The following IL6ST variants were observed in gnomAD, a reference collection of about 807,000 sequenced individuals.
IL6ST encodes the protein interleukin 6 cytokine family signal transducer.
IL6ST carries 24 observed loss-of-function variants against 91.3 expected under a neutral mutation model. The ratio of observed to expected loss-of-function variants is 0.26; its 90% confidence interval spans 0.19 to 0.37. The LOEUF is 0.37. Ranked by LOEUF, IL6ST falls within the 10% of genes least tolerant of loss-of-function variation. IL6ST has a pLI of 1.00. For synonymous variants in IL6ST, 351 were observed against 373.6 expected, an observed-to-expected ratio of 0.94 and a Z score of 0.70; for missense variants, 914 against 1,078.5, an observed-to-expected ratio of 0.85 and a Z score of 2.14.
chr5:55,940,226 T>C lies in IL6ST; in HGVS notation c.*856A>G. ...TTTATTGGTTTTTTTTCCCCTTTAC[T>C]ACTACTTCCTGTTTTCCCCTTTACT... On this transcript the variant is annotated 3_prime_UTR_variant, in exon 17 of 17. Transcript: ENST00000381298. 1 of 210,560 alleles carries C rather than the reference T, an allele frequency of 4.7e-6. No individual in the cohort carries two copies. The highest frequency in any genetic ancestry group is 7.1e-5 in the East Asian group (1 of 14,088). The allele number at this position is 210,560 out of a possible 1,614,324, so 13.0% of individuals were successfully genotyped here. A position where few individuals can be genotyped will look rare whatever the true frequency, so the allele number is the denominator to read the frequency against.
chr5:55,950,808 T>C (rs56664673), intron 14 of IL6ST, among the ~76,000 whole-genome samples: 2,747 of 151,318 alleles, frequency 0.018, 79 homozygotes, highest in African/African-American at 0.063. Context: ...TAAAAAAAAT[T>C]AGCTGGATGT....
intron 5 of IL6ST, among the ~76,000 whole-genome samples, chr5:55,966,439 C>CA (rs1411105234): frequency 1.3e-5 from 2 of 152,156 alleles, no homozygotes; most frequent in African/African-American, 4.8e-5. Context: ...GATTGAGTTA[C>CA]ACAGGTGTCT....
chr5:55,984,007 ATT>A (rs35768498), intron 1 of IL6ST, among the ~76,000 whole-genome samples: 2 of 146,524 alleles, frequency 1.4e-5, no homozygotes, highest in African/African-American at 5.0e-5. Flanking sequence ...CCCTTTACTG[ATT>A]TTTTTTTTTT....
In IL6ST at chr5:55,956,101, T is replaced by C. The variant is rs775774368; in HGVS notation, c.1191A>G (p.Leu397=). The part of the protein sequence containing the change: ...LTVNLTNDRY[L]ATLTVRNLVG... ...CAAGATTTCTTACTGTTAGGGTTGC[T>C]AGATAGCGATCATTTGTGAGATTTA... The change falls in exon 10 of 17, where the codon CTA becomes CTG. Residue 397 remains leucine (L), a synonymous_variant. Transcript: ENST00000381298. The C allele has an allele frequency of 1.2e-6, 2 of 1,613,484 alleles. No individual in the cohort carries two copies. The highest frequency in any genetic ancestry group is 1.7e-6 in the Non-Finnish European group (2 of 1,179,370).
chr5:55,941,340 C>T lies in IL6ST; in HGVS notation c.2499G>A (p.Arg833=). 3 of 1,614,110 alleles carry T rather than the reference C, an allele frequency of 1.9e-6. No individual in the cohort carries two copies. Among genetic ancestry groups the T allele is most frequent in the South Asian group, 2.2e-5 (2 of 91,084 alleles). ...CATTGACTGATGAAACTTGCTTTGA[C>T]CTTTCAAAATGTGAAATATCTGGAC... is the stretch of plus-strand genomic sequence containing the variant. ...ESSPDISHFE[R]SKQVSSVNEE... is the part of the protein sequence containing the mutation. Residue 833 remains arginine, a synonymous_variant, in exon 17 of 17, where the codon AGG becomes AGA. Transcript: ENST00000381298.
chr5:55,947,432 C>T, intron 15 of IL6ST, 61 bp downstream of exon 15: 1 of 860,694 alleles, frequency 1.2e-6, no homozygotes, highest in Non-Finnish European at 1.9e-6. Context: ...AATTTTATTG[C>T]ATGTAAATTC....
In IL6ST at chr5:55,982,783, A is replaced by G. The variant is rs1753739072; in HGVS notation, c.-75T>C. On this transcript the variant is annotated 5_prime_UTR_variant, in exon 2 of 17. Transcript: ENST00000381298. ...ATTTGAAGCTAAGTCTTCTACTTCT[A>G]AATGTCATGCTTTTTCCATTGGGTT... is the stretch of plus-strand genomic sequence containing the variant. 5.0e-6 allele frequency: 2 copies of G among 398,342 alleles called. No homozygotes were observed. Among genetic ancestry groups the G allele is most frequent in the Non-Finnish European group, 8.9e-6 (2 of 225,934 alleles). 24.7% of individuals were successfully genotyped at this position (398,342 alleles called of 1,614,324 possible).
intron 8 of IL6ST, chr5:55,959,631 A>C (rs888150340): frequency 3.4e-5 from 44 of 1,296,048 alleles, no homozygotes; most frequent in Non-Finnish European, 4.2e-5. Context: ...CTAACCAACC[A>C]AAATTCCAGG....
At chr5:55,951,631 T>C (rs199950125) in intron 13 of IL6ST, 27 bp from the exon 14 acceptor site, 3 of 1,596,084 alleles carry the variant, frequency 1.9e-6, no homozygotes, top group South Asian at 1.1e-5. Context: ...CTGTGCTTCA[T>C]TCAACTATTC....
chr5:55,951,840 A>C, intron 13 of IL6ST, 89 bp downstream of exon 13: 1 of 855,768 alleles, frequency 1.2e-6, no homozygotes, highest in Non-Finnish European at 1.8e-6. Context: ...AATATACTAT[A>C]AGATGTATAA....
intron 5 of IL6ST, among the ~76,000 whole-genome samples, chr5:55,967,782 T>C (rs776625901): frequency 1.3e-5 from 2 of 152,106 alleles, no homozygotes; most frequent in Non-Finnish European, 2.9e-5. Context: ...TACTATTCTT[T>C]CTACTTTTAT....
intron 15 of IL6ST, among the ~76,000 whole-genome samples, chr5:55,945,600 C>T (rs953028830): frequency 2.5e-5 from 3 of 119,922 alleles, no homozygotes; most frequent in African/African-American, 9.0e-5. Context: ...TCAGGAACCA[C>T]AGAAAAAAAA....
At chr5:55,961,489 G>T (rs571994674) in intron 7 of IL6ST, among the ~76,000 whole-genome samples, 2 of 152,230 alleles carry the variant, frequency 1.3e-5, no homozygotes, top group South Asian at 4.1e-4. Context: ...TGGGTGCGGT[G>T]GCTCACGCTT....
chr5:55,992,613 T>A (rs1313328388), intron 1 of IL6ST, among the ~76,000 whole-genome samples: 1 of 152,240 alleles, frequency 6.6e-6, no homozygotes, highest in Non-Finnish European at 1.5e-5. Flanking sequence ...CCTTAGTTAC[T>A]GCTGATCCTT....
At chr5:55,970,355 G>T (rs1752891183) in intron 3 of IL6ST, among the ~76,000 whole-genome samples, 1 of 152,164 alleles carries the variant, frequency 6.6e-6, no homozygotes, top group Non-Finnish European at 1.5e-5. Context: ...AAAACAGGAA[G>T]AATAGAACAA....
In IL6ST at chr5:55,964,134, GTT is replaced by G. The variant is rs773372305; in HGVS notation, c.658+10_658+11del. The G allele has an allele frequency of 6.7e-7, 1 of 1,493,026 alleles. No individual in the cohort carries two copies. Among genetic ancestry groups the G allele is most frequent in the South Asian group, 1.3e-5 (1 of 76,070 alleles). 92.5% of individuals were successfully genotyped at this position (1,493,026 alleles called of 1,614,324 possible). ...GTGTCAAATAAACTCTCAAATTCAG[GTT>G]TATAACTACCTTTATATACAGGATC... On this transcript the variant is annotated intron_variant, in intron 6 of 16. Coordinates refer to ENST00000381298, the MANE Select transcript of IL6ST (RefSeq NM_002184.4).
At chr5:55,979,361 G>A (rs1222652363) in intron 2 of IL6ST, among the ~76,000 whole-genome samples, 2 of 152,094 alleles carry the variant, frequency 1.3e-5, no homozygotes, top group African/African-American at 2.4e-5. Context: ...TGTGAGGAAG[G>A]GTATAAAAGG....
rs1009192767 is a variant in IL6ST, at chr5:55,964,187, T to C, written c.617A>G (p.Lys206Arg). 1.2e-6 allele frequency: 2 copies of C among 1,609,914 alleles called. No individual in the cohort carries two copies. Among genetic ancestry groups the C allele is most frequent in the African/African-American group, 1.3e-5 (1 of 74,828 alleles). Reference sequence around the variant, plus strand: ...AAAATTGATATGATCTGATGTAACCTTCCCAAGGGCATTCTCTGCTTCTAC... The same window carrying C: ...AAAATTGATATGATCTGATGTAACCCTCCCAAGGGCATTCTCTGCTTCTAC... ...VWVEAENALG[K>R]VTSDHINFDP... Residue 206 changes from lysine to arginine, a missense_variant, in exon 6 of 17, where the codon AAG (lysine) becomes AGG (arginine). Transcript: ENST00000381298.
At chr5:55,977,393 A>G (rs1753371058) in intron 2 of IL6ST, among the ~76,000 whole-genome samples, 1 of 152,010 alleles carries the variant, frequency 6.6e-6, no homozygotes. Flanking sequence ...GAAATTCTTG[A>G]TACGGCAAAA....
Sources: gnomAD v4.1 joint callset for allele counts (sites outside exome capture counted in the v4.1 genomes callset) on GRCh38, gnomAD v4.1.1 for gene constraint, MANE v1.5 for transcripts, NCBI Gene and HGNC (gene_info 2026-07-23, HGNC 2026-07-21) for gene names.